The following TYW1B variants were observed in gnomAD, a reference collection of about 807,000 sequenced individuals.
TYW1B encodes S-adenosyl-L-methionine-dependent tRNA 4-demethylwyosine synthase TYW1B.
Under a neutral mutation model 86.9 loss-of-function variants are expected in TYW1B, and 73 were observed. The observed-to-expected ratio is 0.84, with a 90% CI of 0.70 to 1.02. TYW1B has a LOEUF of 1.02. Among genes scored for constraint, TYW1B ranks in the 50% least tolerant of loss-of-function variants. TYW1B has a pLI of 0.00. For missense variants in TYW1B, 637 were observed against 827.4 expected, an observed-to-expected ratio of 0.77 and a Z score of 2.82; for synonymous variants, 248 against 292.8, an observed-to-expected ratio of 0.85 and a Z score of 1.56.
At chr7:72,685,197 T>C (rs1234111372) in intron 11 of TYW1B, among the ~76,000 whole-genome samples, 5 of 150,042 alleles carry the variant, frequency 3.3e-5, no homozygotes, top group Non-Finnish European at 7.4e-5. Flanking sequence ...TCTTTGAAAA[T>C]GGACTTCAAT....
intron 8 of TYW1B, among the ~76,000 whole-genome samples, chr7:72,735,633 G>A (rs552983053): frequency 2.6e-5 from 4 of 151,312 alleles, no homozygotes; most frequent in Admixed American, 1.3e-4. Flanking sequence ...ACTTTGGAAG[G>A]CCAAGGGAGG....
intron 11 of TYW1B, among the ~76,000 whole-genome samples, chr7:72,630,139 C>T (rs1305921043): frequency 2.0e-5 from 3 of 151,888 alleles, no homozygotes; most frequent in African/African-American, 4.8e-5. Context: ...ATGAGCCAGG[C>T]GTGGCGGCGT....
chr7:72,818,882 T>A (rs558703505), intron 2 of TYW1B, among the ~76,000 whole-genome samples: 2 of 152,228 alleles, frequency 1.3e-5, no homozygotes, highest in East Asian at 3.9e-4. Context: ...AAACCACTCA[T>A]GCGAAATCTG....
chr7:72,656,828 C>T (rs1813217132), intron 11 of TYW1B, among the ~76,000 whole-genome samples: 1 of 152,002 alleles, frequency 6.6e-6, no homozygotes, highest in Admixed American at 6.6e-5. Context: ...GAGAAAGGTG[C>T]CACACACTTT....
intron 13 of TYW1B, among the ~76,000 whole-genome samples, chr7:72,588,312 T>G (rs114837965): frequency 0.16 from 19,421 of 122,560 alleles, no homozygotes; most frequent in African/African-American, 0.22. Context: ...AATCCTCTGA[T>G]CAGCGTTACC....
chr7:72,579,599 C>T (rs527972235), intron 13 of TYW1B, among the ~76,000 whole-genome samples: 10 of 152,164 alleles, frequency 6.6e-5, no homozygotes, highest in Non-Finnish European at 1.3e-4. Flanking sequence ...TTTCTTGGTA[C>T]ATGTACACGG....
At chr7:72,595,524 A>C (rs1811511000) in intron 13 of TYW1B, among the ~76,000 whole-genome samples, 1 of 152,116 alleles carries the variant, frequency 6.6e-6, no homozygotes, top group South Asian at 2.1e-4. Flanking sequence ...TCTCTAAAAA[A>C]ATACAAAAAT....
rs186753557 is a variant in TYW1B at position 72,653,345 on chromosome 7, G to A, written c.1507-24348C>T. Among the ~76,000 whole-genome samples, 337 of 152,282 alleles carry A rather than the reference G, an allele frequency of 2.2e-3. 4 individuals carry two copies. The highest frequency in any genetic ancestry group is 7.5e-3 in the African/African-American group (311 of 41,558). On this transcript the variant is annotated intron_variant, in intron 11 of 13. Coordinates refer to ENST00000620995, the MANE Select transcript of TYW1B (RefSeq NM_001145440.3). The stretch of plus-strand genomic sequence containing the variant: ...AAAGAGGGCGGGCGCAGTGGCTCAC[G>A]CCTGTAATCCCAGCACTTTGGGAGG...
chr7:72,752,626 G>A (rs1787519153), intron 7 of TYW1B, among the ~76,000 whole-genome samples: 1 of 152,086 alleles, frequency 6.6e-6, no homozygotes, highest in Non-Finnish European at 1.5e-5. Flanking sequence ...AGCTACTCGG[G>A]AGGCTGAGGC....
intron 9 of TYW1B, among the ~76,000 whole-genome samples, chr7:72,719,669 G>T (rs1247010398): frequency 6.7e-6 from 1 of 149,356 alleles, no homozygotes; most frequent in African/African-American, 2.5e-5. Context: ...TGATAGGCAC[G>T]TGGAGAAGAA....
At position 72,807,279 on chromosome 7, in the gene TYW1B, G is replaced by A. The variant is rs782597735; in HGVS notation, c.510C>T (p.Asp170=). 36 of 1,613,958 alleles carry A rather than the reference G, an allele frequency of 2.2e-5. 2 individuals carry two copies. In the South Asian group the frequency reaches 2.9e-4, roughly 13 times the overall value. The change falls in exon 5 of 14, where the codon GAC becomes GAT. Residue 170 remains aspartate, a synonymous_variant. Transcript: ENST00000620995. ...RVMSRGEGDC[D]VVKSKHGSIE... ...TGCTGCCGTGCTTGCTTTTAACCAC[G>A]TCGCAGTCGCCCTCCCCTCGACTCA...
chr7:72,663,696 G>A (rs1171325112), intron 11 of TYW1B, among the ~76,000 whole-genome samples: 4 of 147,868 alleles, frequency 2.7e-5, no homozygotes, highest in East Asian at 4.0e-4. Context: ...CCCGGGGGGC[G>A]GAGCTTGCAG....
chr7:72,672,411 T>C (rs1474575806), intron 11 of TYW1B, among the ~76,000 whole-genome samples: 5 of 151,728 alleles, frequency 3.3e-5, no homozygotes, highest in Non-Finnish European at 7.4e-5. Flanking sequence ...GAGGGAAATC[T>C]TTTTTAAATA....
chr7:72,632,462 C>T (rs797032506), intron 11 of TYW1B, among the ~76,000 whole-genome samples: 8 of 90,906 alleles, frequency 8.8e-5, no homozygotes, highest in African/African-American at 2.2e-4. Flanking sequence ...TATATATATA[C>T]ATATATATAT....
intron 11 of TYW1B, among the ~76,000 whole-genome samples, chr7:72,690,347 T>C (rs1479333589): frequency 1.3e-5 from 2 of 152,218 alleles, no homozygotes; most frequent in African/African-American, 4.8e-5. Flanking sequence ...TGGACGGAAA[T>C]TGAAGCTAAC....
At chr7:72,616,417 C>A (rs1812072649) in intron 13 of TYW1B, among the ~76,000 whole-genome samples, 1 of 152,168 alleles carries the variant, frequency 6.6e-6, no homozygotes, top group South Asian at 2.1e-4. Context: ...GTTTTGTTAG[C>A]ATGCACCTTC....
intron 9 of TYW1B, among the ~76,000 whole-genome samples, chr7:72,720,735 C>A (rs1219845066): frequency 6.6e-6 from 1 of 152,054 alleles, no homozygotes; most frequent in Non-Finnish European, 1.5e-5. Context: ...GAAATTGAAA[C>A]AGCCTCTAAA....
intron 13 of TYW1B, 108 bp from the exon 14 acceptor site, chr7:72,575,827 C>T (rs1469402913): frequency 6.7e-7 from 1 of 1,496,510 alleles, no homozygotes; most frequent in African/African-American, 1.4e-5. Context: ...CCTATCACGC[C>T]AAGAAAACAA....
chr7:72,690,336 G>A (rs1405076970), intron 11 of TYW1B, among the ~76,000 whole-genome samples: 4 of 152,146 alleles, frequency 2.6e-5, no homozygotes, highest in Non-Finnish European at 2.9e-5. Context: ...AGTAGCTATC[G>A]TGGACGGAAA....
Sources: gnomAD v4.1 joint callset for allele counts (sites outside exome capture counted in the v4.1 genomes callset) on GRCh38, gnomAD v4.1.1 for gene constraint, MANE v1.5 for transcripts, NCBI Gene and HGNC (gene_info 2026-07-23, HGNC 2026-07-21) for gene names.